The following ROCK1 variants were observed in gnomAD, a reference collection of about 807,000 sequenced individuals.
ROCK1 encodes rho-associated protein kinase 1.
ROCK1 carries 36 observed loss-of-function variants against 196.8 expected under a neutral mutation model. The ratio of observed to expected loss-of-function variants is 0.18; its 90% confidence interval spans 0.14 to 0.24. The LOEUF is 0.24. Among genes scored for constraint, ROCK1 ranks in the 10% least tolerant of loss-of-function variants. The pLI, the probability that ROCK1 is intolerant of heterozygous loss-of-function variation, is 1.00. For synonymous variants in ROCK1, 443 were observed against 515.9 expected (o/e 0.86, Z 1.91); for missense variants, 920 against 1,562.0 (o/e 0.59, Z 6.93).
At position 20,996,620 on chromosome 18, in the gene ROCK1, G is replaced by A. The variant is rs537491891; in HGVS notation, c.1886-3683C>T. ...CACAGTTCCAGGGTGGTGGCCATAG[G>A]GTAATGGTAAGTACACTGAAAAACA... On this transcript the variant is annotated intron_variant, in intron 16 of 32. Coordinates refer to ENST00000399799, the MANE Select transcript of ROCK1 (RefSeq NM_005406.3). 3.9e-5 allele frequency among the ~76,000 whole-genome samples: 6 copies of A among 152,166 alleles called. No homozygotes were observed. In the East Asian group the frequency reaches 9.7e-4, roughly 25 times the overall value.
chr18:21,015,505 T>C, intron 12 of ROCK1, 26 bp from the exon 13 acceptor site: 1 of 1,398,296 alleles, frequency 7.2e-7, no homozygotes. Flanking sequence ...CAATACAGAT[T>C]AGAAATATAC....
At chr18:20,999,648 T>C (rs2035704977) in intron 16 of ROCK1, among the ~76,000 whole-genome samples, 1 of 152,192 alleles carries the variant, frequency 6.6e-6, no homozygotes, top group South Asian at 2.1e-4. Flanking sequence ...GAAACACATT[T>C]TAAAAGATCT....
At chr18:21,086,554 T>C (rs1253762021) in intron 1 of ROCK1, among the ~76,000 whole-genome samples, 2 of 152,096 alleles carry the variant, frequency 1.3e-5, no homozygotes, top group East Asian at 3.9e-4. Context: ...AGATTTAACA[T>C]TTGTATCACT....
In ROCK1 at chr18:21,072,282, G is replaced by A. The variant is rs375652629; in HGVS notation, c.94-1669C>T. Among the ~76,000 whole-genome samples the A allele has an allele frequency of 3.3e-5, 5 of 152,188 alleles. No homozygotes were observed. In the East Asian group the frequency reaches 9.6e-4, roughly 29 times the overall value. ...CACACTTTAATTCTACAATACCATGGGATAGTCTATTACTTTTCAGCATCA... is the reference window on the plus strand; with the variant it reads ...CACACTTTAATTCTACAATACCATGAGATAGTCTATTACTTTTCAGCATCA... On this transcript the variant is annotated intron_variant, in intron 1 of 32. Transcript: ENST00000399799.
At chr18:21,094,411 A>C (rs888155155) in intron 1 of ROCK1, among the ~76,000 whole-genome samples, 1 of 152,136 alleles carries the variant, frequency 6.6e-6, no homozygotes, top group Non-Finnish European at 1.5e-5. Context: ...ACTCAGGAGA[A>C]AAAAAGTCTA....
At chr18:20,961,098 A>G (rs992108625) in intron 27 of ROCK1, among the ~76,000 whole-genome samples, 1 of 152,200 alleles carries the variant, frequency 6.6e-6, no homozygotes, top group African/African-American at 2.4e-5. Context: ...GGGGATAAAG[A>G]CAACTCCATT....
At chr18:20,962,269 T>C (rs2143343076) in intron 27 of ROCK1, among the ~76,000 whole-genome samples, 1 of 152,304 alleles carries the variant, frequency 6.6e-6, no homozygotes, top group East Asian at 1.9e-4. Context: ...CCAGAAATTT[T>C]CCCATTAGTG....
chr18:20,984,723 C>T (rs1021389218), intron 19 of ROCK1, among the ~76,000 whole-genome samples, 188 bp from the exon 20 acceptor site: 5 of 152,096 alleles, frequency 3.3e-5, no homozygotes, highest in African/African-American at 1.2e-4. Context: ...CAAATTAATT[C>T]CCAAATTTCA....
At chr18:20,959,057 TTATATTTTATATTATATAATATA>T (rs2035286373) in intron 29 of ROCK1, among the ~76,000 whole-genome samples, 1 of 46,920 alleles carries the variant, frequency 2.1e-5, no homozygotes, top group Non-Finnish European at 3.2e-5. Flanking sequence ...AATATATATA[TTATATTTTATATTATATAATATA>T]TATATTTTAT....
chr18:21,068,616 G>GGA (rs1263257595), intron 2 of ROCK1, among the ~76,000 whole-genome samples: 1 of 152,058 alleles, frequency 6.6e-6, no homozygotes, highest in Admixed American at 6.6e-5. Flanking sequence ...TGAATATCTT[G>GGA]TTAGGTCTTC....
intron 7 of ROCK1, 90 bp downstream of exon 7, chr18:21,042,475 C>G (rs939536583): frequency 7.6e-7 from 1 of 1,315,290 alleles, no homozygotes; most frequent in Admixed American, 2.3e-5. Flanking sequence ...ATCAAGATTG[C>G]TTAATATAAT....
At chr18:21,061,364 G>A (rs981988816) in intron 2 of ROCK1, among the ~76,000 whole-genome samples, 1 of 152,178 alleles carries the variant, frequency 6.6e-6, no homozygotes, top group Non-Finnish European at 1.5e-5. Context: ...ACAGGCAAGA[G>A]CCACTGTGCC....
chr18:20,980,275 A>T (rs1003946471), intron 21 of ROCK1, among the ~76,000 whole-genome samples: 1 of 152,230 alleles, frequency 6.6e-6, no homozygotes, highest in Non-Finnish European at 1.5e-5. Flanking sequence ...TGGTTAATTC[A>T]TATTACTCAG....
At chr18:21,003,135 C>T (rs985414481) in intron 16 of ROCK1, among the ~76,000 whole-genome samples, 12 of 152,112 alleles carry the variant, frequency 7.9e-5, no homozygotes, top group Non-Finnish European at 1.2e-4. Flanking sequence ...CTAGATCTAA[C>T]GTCTAGTTTA....
rs530546048 is a variant in ROCK1 at position 20,947,908 on chromosome 18, A to C, written c.*3476T>G. ...GTGGATCACCTGAGGTCAGGAGTTC[A>C]AGACCAGGCTGGCCAACATGGTGAA... On this transcript the variant is annotated 3_prime_UTR_variant, in exon 33 of 33. Coordinates refer to ENST00000399799, the MANE Select transcript of ROCK1 (RefSeq NM_005406.3). The C allele has an allele frequency of 2.6e-5, 4 of 151,840 alleles. No individual in the cohort carries two copies. The highest frequency in any genetic ancestry group is 5.9e-5 in the Non-Finnish European group (4 of 67,952). The allele number at this position is 151,840 out of a possible 1,614,324, so 9.4% of individuals were successfully genotyped here.
At chr18:21,015,286 T>A (rs1489629577) in intron 13 of ROCK1, 145 bp downstream of exon 13, 1 of 669,792 alleles carries the variant, frequency 1.5e-6, no homozygotes, top group African/African-American at 1.8e-5. Context: ...GAAACTGCAG[T>A]TCCAAGGTGA....
rs944998586 is a variant in ROCK1, at chr18:21,060,562, C to T, written c.175+9970G>A. On this transcript the variant is annotated intron_variant, in intron 2 of 32. Transcript: ENST00000399799. ...GTGAATTTCAAACTAAATTCATGGCCGGCACGGTGGCTCACGCCTGTAATT... is the reference window on the plus strand; with the variant it reads ...GTGAATTTCAAACTAAATTCATGGCTGGCACGGTGGCTCACGCCTGTAATT... 3.3e-5 allele frequency among the ~76,000 whole-genome samples: 5 copies of T among 152,154 alleles called. No homozygotes were observed. The East Asian group carries it at 7.7e-4, about 24-fold the overall frequency.
intron 13 of ROCK1, among the ~76,000 whole-genome samples, chr18:21,011,417 TGAGTA>T (rs1200973364): frequency 1.3e-5 from 2 of 152,192 alleles, no homozygotes; most frequent in Admixed American, 6.5e-5. Context: ...CTTACCAGTT[TGAGTA>T]AAGTATAAAC....
intron 13 of ROCK1, among the ~76,000 whole-genome samples, chr18:21,008,581 C>A (rs752417883): frequency 9.2e-5 from 14 of 152,138 alleles, no homozygotes; most frequent in Non-Finnish European, 1.8e-4. Flanking sequence ...CCTAAAATAC[C>A]CAAATTTTCA....
Sources: gnomAD v4.1 joint callset for allele counts (sites outside exome capture counted in the v4.1 genomes callset) on GRCh38, gnomAD v4.1.1 for gene constraint, MANE v1.5 for transcripts, NCBI Gene and HGNC (gene_info 2026-07-23, HGNC 2026-07-21) for gene names.